Variants in FRMPD4 observed in about 807,000 individuals in gnomAD.
The protein encoded by FRMPD4 is FERM and PDZ domain-containing protein 4.
A neutral mutation model predicts 94.1 loss-of-function variants in FRMPD4; 22 were observed. The ratio of observed to expected loss-of-function variants is 0.23; its 90% confidence interval spans 0.17 to 0.33. The LOEUF (loss-of-function observed/expected upper bound fraction) is 0.33, where lower values mean the gene tolerates loss of function less well. Among genes scored for constraint, FRMPD4 ranks in the 10% least tolerant of loss-of-function variants. The probability of loss-of-function intolerance (pLI) is 1.00; values close to 1 mark genes in which losing one functional copy is unlikely to be tolerated. For missense variants in FRMPD4, 1,111 were observed against 1,339.9 expected (o/e 0.83, Z 2.67); for synonymous variants, 631 against 548.6 (o/e 1.15, Z -2.10).
intron 1 of FRMPD4, among the ~76,000 whole-genome samples, chrX:12,470,514 T>C (rs781057331): frequency 1.8e-5 from 2 of 112,149 alleles, no homozygotes; most frequent in Non-Finnish European, 3.8e-5. Context: ...ATAGCTATGA[T>C]GTTTTTCTTT....
At chrX:12,574,569 C>T (rs1362297480) in intron 2 of FRMPD4, among the ~76,000 whole-genome samples, 1 of 110,872 alleles carries the variant, frequency 9.0e-6, no homozygotes, top group Non-Finnish European at 1.9e-5. Flanking sequence ...GTGATCTCGG[C>T]GCACTGCAAC....
chrX:12,592,355 G>C (rs1212664433), intron 2 of FRMPD4, among the ~76,000 whole-genome samples: 1 of 111,853 alleles, frequency 8.9e-6, no homozygotes, highest in Non-Finnish European at 1.9e-5. Flanking sequence ...ATACATTTAT[G>C]TTTTTCTCTT....
At chrX:12,310,755 A>C (rs1018783428) in intron 1 of FRMPD4, among the ~76,000 whole-genome samples, 11 of 112,023 alleles carry the variant, frequency 9.8e-5, no homozygotes, top group African/African-American at 3.6e-4. Context: ...CTAATATCAG[A>C]AATCTTTATC....
At chrX:12,453,813 T>G (rs1218779339) in intron 1 of FRMPD4, among the ~76,000 whole-genome samples, 1 of 112,224 alleles carries the variant, frequency 8.9e-6, no homozygotes, top group East Asian at 2.8e-4. Context: ...CTTTGATGAT[T>G]TGCATGGATT....
At chrX:12,179,137 T>A (rs1056959803) in intron 1 of FRMPD4, among the ~76,000 whole-genome samples, 2 of 111,777 alleles carry the variant, frequency 1.8e-5, no homozygotes, top group African/African-American at 3.3e-5. Flanking sequence ...TTCCACATCA[T>A]CTCTGATCCT....
intron 4 of FRMPD4, among the ~76,000 whole-genome samples, chrX:12,629,968 A>AG (rs1398711738): frequency 8.9e-6 from 1 of 112,630 alleles, no homozygotes. Flanking sequence ...GCAGTTAAAA[A>AG]GCTCTAAGAC....
intron 2 of FRMPD4, among the ~76,000 whole-genome samples, chrX:12,515,389 T>A (rs1190507355): frequency 9.1e-6 from 1 of 110,297 alleles, no homozygotes; most frequent in Non-Finnish European, 1.9e-5. Flanking sequence ...TGGTATGTTG[T>A]CTCTTTTTTC....
chrX:12,061,264 C>T (rs1448563339), intron 3 of FRMPD4, among the ~76,000 whole-genome samples: 1 of 111,673 alleles, frequency 9.0e-6, no homozygotes, highest in South Asian at 3.8e-4. Flanking sequence ...GAGTGAGTCT[C>T]TAGTGATTTA....
intron 1 of FRMPD4, among the ~76,000 whole-genome samples, chrX:11,838,334 G>A (rs2053513493): frequency 9.0e-6 from 1 of 111,533 alleles, no homozygotes; most frequent in Non-Finnish European, 1.9e-5. Context: ...AAATAATCCA[G>A]ATAGCTCTTA....
At chrX:12,268,761 G>C (rs7055320) in intron 1 of FRMPD4, among the ~76,000 whole-genome samples, 1,766 of 112,058 alleles carry the variant, frequency 0.016, 35 homozygotes, top group African/African-American at 0.055. Context: ...AATGCTAAGA[G>C]AGTTTTGATA....
At chrX:12,453,557 G>A (rs920660614) in intron 1 of FRMPD4, among the ~76,000 whole-genome samples, 18 of 111,489 alleles carry the variant, frequency 1.6e-4, no homozygotes, top group African/African-American at 5.5e-4. Context: ...TTTCATTAGC[G>A]TATCATCCCT....
intron 12 of FRMPD4, among the ~76,000 whole-genome samples, chrX:12,707,203 A>G (rs890646602): frequency 2.7e-5 from 3 of 111,730 alleles, no homozygotes; most frequent in Non-Finnish European, 1.9e-5. Context: ...AGGAAAACCA[A>G]AAAGAAAAAA....
intron 1 of FRMPD4, among the ~76,000 whole-genome samples, chrX:12,483,139 G>C (rs2057705092): frequency 8.9e-6 from 1 of 112,230 alleles, no homozygotes; most frequent in African/African-American, 3.2e-5. Flanking sequence ...ATAAAGATGA[G>C]GAAGTTAGGC....
At chrX:11,890,981 G>A (rs759840047) in intron 3 of FRMPD4, among the ~76,000 whole-genome samples, 6 of 112,850 alleles carry the variant, frequency 5.3e-5, no homozygotes, top group Non-Finnish European at 1.1e-4. Flanking sequence ...GCTGCTCCCT[G>A]TTCCTGGGCA....
At chrX:12,096,266 T>C (rs1171398018) in intron 3 of FRMPD4, among the ~76,000 whole-genome samples, 4 of 112,485 alleles carry the variant, frequency 3.6e-5, no homozygotes, top group Non-Finnish European at 5.6e-5. Context: ...ATGCAATTCA[T>C]ATGGAAATTA....
chrX:12,408,058 G>A (rs1188450845), intron 1 of FRMPD4, among the ~76,000 whole-genome samples: 1 of 108,326 alleles, frequency 9.2e-6, no homozygotes, highest in African/African-American at 3.4e-5. Context: ...ACATTTAATA[G>A]GCACTCACAA....
chrX:12,062,241 C>A (rs1056473783), intron 3 of FRMPD4, among the ~76,000 whole-genome samples: 1 of 111,491 alleles, frequency 9.0e-6, no homozygotes, highest in African/African-American at 3.3e-5. Flanking sequence ...CAATGTATTG[C>A]GGTTATCTTT....
chrX:12,085,108 T>G (rs138750189), intron 3 of FRMPD4, among the ~76,000 whole-genome samples: 1 of 112,232 alleles, frequency 8.9e-6, no homozygotes, highest in East Asian at 2.8e-4. Context: ...TAATGGTGTT[T>G]ACTAATGCCC....
At chrX:12,474,604 C>T (rs1003436352) in intron 1 of FRMPD4, among the ~76,000 whole-genome samples, 27 of 111,248 alleles carry the variant, frequency 2.4e-4, no homozygotes, top group Non-Finnish European at 4.2e-4. Context: ...ATCAAATAGA[C>T]GCAATAAATA....
Sources: gnomAD v4.1 joint callset for allele counts (sites outside exome capture counted in the v4.1 genomes callset) on GRCh38, gnomAD v4.1.1 for gene constraint, MANE v1.5 for transcripts, NCBI Gene and HGNC (gene_info 2026-07-23, HGNC 2026-07-21) for gene names.